Variants in SPACA7 observed in about 807,000 individuals in gnomAD.
The protein encoded by SPACA7 is sperm acrosome associated 7.
SPACA7 carries 19 observed loss-of-function variants against 26.3 expected under a neutral mutation model. That is an observed-to-expected ratio of 0.72 (90% CI 0.50 to 1.06). SPACA7 has a LOEUF of 1.06. SPACA7 is among the 50% of genes least tolerant of loss of function. SPACA7 has a pLI of 0.00. For missense variants in SPACA7, 211 were observed against 229.9 expected (o/e 0.92, Z 0.53); for synonymous variants, 84 against 84.5 (o/e 0.99, Z 0.04).
At chr13:112,380,971 T>A (rs1884020636) in intron 1 of SPACA7, among the ~76,000 whole-genome samples, 1 of 152,214 alleles carries the variant, frequency 6.6e-6, no homozygotes, top group African/African-American at 2.4e-5. Context: ...TAGAGATATA[T>A]TTATCTACAG....
chr13:112,386,596 C>A (rs913472126), intron 1 of SPACA7, among the ~76,000 whole-genome samples: 4 of 151,692 alleles, frequency 2.6e-5, no homozygotes, highest in African/African-American at 9.7e-5. Context: ...CTCATGTGTG[C>A]CTTAAGGGTG....
rs984812558 is a variant in SPACA7 at position 112,401,180 on chromosome 13, C to T, written c.445+16C>T. Reference sequence around the variant, plus strand: ...TCCAGTAAAGGTAAATGTGCCCTGCCCACACTGAGAGCTCTGTGGGAGAGA... The same window carrying T: ...TCCAGTAAAGGTAAATGTGCCCTGCTCACACTGAGAGCTCTGTGGGAGAGA... On this transcript the variant is annotated intron_variant, in intron 5 of 6. Transcript: ENST00000283550. 6.3e-7 allele frequency: 1 copy of T among 1,595,812 alleles called. No homozygotes were observed. The highest frequency in any genetic ancestry group is 8.6e-7 in the Non-Finnish European group (1 of 1,163,474).
intron 5 of SPACA7, among the ~76,000 whole-genome samples, chr13:112,410,797 T>C (rs1278129308): frequency 1.3e-5 from 2 of 152,158 alleles, no homozygotes; most frequent in African/African-American, 4.8e-5. Context: ...ATTACACTTC[T>C]GGGTATACAC....
chr13:112,387,385 G>A (rs1379219414), intron 1 of SPACA7, among the ~76,000 whole-genome samples: 1 of 152,218 alleles, frequency 6.6e-6, no homozygotes, highest in Admixed American at 6.5e-5. Context: ...GGCTTGAAAA[G>A]CAGGCTTGAA....
chr13:112,433,115 G>A (rs1191769616), intron 6 of SPACA7, among the ~76,000 whole-genome samples: 2 of 151,550 alleles, frequency 1.3e-5, no homozygotes, highest in South Asian at 2.1e-4. Context: ...TTGTCCTCCC[G>A]GTATCCCTGA....
At chr13:112,401,243 G>A in intron 5 of SPACA7, 79 bp downstream of exon 5, 1 of 1,115,406 alleles carries the variant, frequency 9.0e-7, no homozygotes. Flanking sequence ...TCTCCCTCCA[G>A]CCTCGCCAGT....
chr13:112,411,909 G>T (rs528122275), intron 5 of SPACA7, among the ~76,000 whole-genome samples: 1 of 152,286 alleles, frequency 6.6e-6, no homozygotes, highest in South Asian at 2.1e-4. Context: ...GGCCATGGGA[G>T]TGTAGAGATT....
At chr13:112,397,731 G>A (rs1048381879) in intron 2 of SPACA7, among the ~76,000 whole-genome samples, 2 of 152,226 alleles carry the variant, frequency 1.3e-5, no homozygotes, top group Admixed American at 6.5e-5. Context: ...ATGGGACAGA[G>A]GGACCCAGGG....
chr13:112,428,910 A>G (rs1393478885), intron 5 of SPACA7, among the ~76,000 whole-genome samples: 1 of 152,182 alleles, frequency 6.6e-6, no homozygotes, highest in Non-Finnish European at 1.5e-5. Context: ...TTAAATTTCA[A>G]TCTACTTGTT....
At chr13:112,401,695 G>A (rs1885653955) in intron 5 of SPACA7, among the ~76,000 whole-genome samples, 1 of 152,186 alleles carries the variant, frequency 6.6e-6, no homozygotes, top group Non-Finnish European at 1.5e-5. Flanking sequence ...AGAAGAATTT[G>A]TTTTCCTCCA....
At chr13:112,411,879 A>G (rs1439143385) in intron 5 of SPACA7, among the ~76,000 whole-genome samples, 12 of 152,134 alleles carry the variant, frequency 7.9e-5, no homozygotes, top group Non-Finnish European at 2.9e-5. Flanking sequence ...CGTTTGGTCT[A>G]TTGTAAATAG....
intron 5 of SPACA7, among the ~76,000 whole-genome samples, chr13:112,429,624 A>G (rs1876873934): frequency 6.6e-6 from 1 of 152,202 alleles, no homozygotes; most frequent in South Asian, 2.1e-4. Context: ...CATATGGTAT[A>G]CAGTTTTATA....
intron 5 of SPACA7, among the ~76,000 whole-genome samples, chr13:112,419,921 G>C (rs1482780118): frequency 6.6e-6 from 1 of 152,192 alleles, no homozygotes; most frequent in Non-Finnish European, 1.5e-5. Context: ...AAGGCTAAAG[G>C]GAAATAGAAA....
chr13:112,427,744 G>A (rs561555612), intron 5 of SPACA7, among the ~76,000 whole-genome samples: 3 of 152,124 alleles, frequency 2.0e-5, no homozygotes, highest in South Asian at 2.1e-4. Context: ...GCTATTTTGT[G>A]TATTTATTTC....
intron 5 of SPACA7, among the ~76,000 whole-genome samples, chr13:112,404,088 T>C (rs1594285284): frequency 6.6e-6 from 1 of 152,188 alleles, no homozygotes; most frequent in Non-Finnish European, 1.5e-5. Context: ...CACCATCTAT[T>C]ATTTTTTGAT....
At chr13:112,406,788 C>A (rs906537457) in intron 5 of SPACA7, among the ~76,000 whole-genome samples, 1 of 152,124 alleles carries the variant, frequency 6.6e-6, no homozygotes, top group Non-Finnish European at 1.5e-5. Context: ...GTGTTACATT[C>A]GCTATGTTTC....
At chr13:112,384,705 G>C (rs914221833) in intron 1 of SPACA7, among the ~76,000 whole-genome samples, 1 of 152,126 alleles carries the variant, frequency 6.6e-6, no homozygotes, top group Non-Finnish European at 1.5e-5. Flanking sequence ...TACTCTGATA[G>C]AGGACACTTA....
intron 5 of SPACA7, among the ~76,000 whole-genome samples, chr13:112,410,886 T>C (rs74676142): frequency 0.021 from 3,140 of 152,252 alleles, 97 homozygotes; most frequent in African/African-American, 0.071. Context: ...AGCAAAAACA[T>C]AGAAGCAATC....
chr13:112,428,831 G>A (rs951330543), intron 5 of SPACA7, among the ~76,000 whole-genome samples: 1 of 151,972 alleles, frequency 6.6e-6, no homozygotes, highest in Non-Finnish European at 1.5e-5. Flanking sequence ...GTTAAGAGGT[G>A]GACTGTTCTA....
Sources: gnomAD v4.1 joint callset for allele counts (sites outside exome capture counted in the v4.1 genomes callset) on GRCh38, gnomAD v4.1.1 for gene constraint, MANE v1.5 for transcripts, NCBI Gene and HGNC (gene_info 2026-07-23, HGNC 2026-07-21) for gene names.